CACNA2D3: variants seen among roughly 807,000 people sequenced by gnomAD.
The protein encoded by CACNA2D3 is voltage-dependent calcium channel subunit alpha-2/delta-3.
CACNA2D3 carries 60 observed loss-of-function variants against 160.6 expected under a neutral mutation model. The observed-to-expected ratio is 0.37, with a 90% confidence interval of 0.30 to 0.46. The LOEUF (loss-of-function observed/expected upper bound fraction) is 0.46. CACNA2D3 is among the 20% of genes least tolerant of loss of function. CACNA2D3 has a pLI of 1.00. For synonymous variants in CACNA2D3, 558 were observed against 492.9 expected (o/e 1.13, Z -1.75); for missense variants, 1,205 against 1,365.0 (o/e 0.88, Z 1.85).
chr3:54,464,214 G>A (rs369677219), intron 4 of CACNA2D3, among the ~76,000 whole-genome samples: 4 of 152,184 alleles, frequency 2.6e-5, no homozygotes, highest in African/African-American at 9.6e-5. Context: ...GCTGCTTGGG[G>A]GTCAGGGGTC....
chr3:54,888,749 A>C (rs940079678), intron 24 of CACNA2D3, among the ~76,000 whole-genome samples: 2 of 147,484 alleles, frequency 1.4e-5, no homozygotes, highest in Non-Finnish European at 2.9e-5. Context: ...TCTATTCAAT[A>C]GTTCATTCCC....
At chr3:54,837,298 C>G (rs1698715682) in intron 15 of CACNA2D3, 68 bp downstream of exon 15, 1 of 1,240,148 alleles carries the variant, frequency 8.1e-7, no homozygotes, top group Non-Finnish European at 1.2e-6. Flanking sequence ...CCTCTGACTC[C>G]AGCTCTGGTG....
chr3:54,803,215 A>G (rs531595984), intron 13 of CACNA2D3, among the ~76,000 whole-genome samples: 39 of 152,358 alleles, frequency 2.6e-4, no homozygotes, highest in Admixed American at 2.4e-3. Flanking sequence ...ACGGAGAATG[A>G]CTTTGACGAG....
chr3:54,442,532 C>A (rs1389995176), intron 4 of CACNA2D3, among the ~76,000 whole-genome samples: 1 of 152,152 alleles, frequency 6.6e-6, no homozygotes, highest in Non-Finnish European at 1.5e-5. Flanking sequence ...TTGTGAACAT[C>A]ATTATCCTTG....
At chr3:54,371,381 A>G (rs1698923527) in intron 3 of CACNA2D3, among the ~76,000 whole-genome samples, 1 of 152,194 alleles carries the variant, frequency 6.6e-6, no homozygotes, top group Non-Finnish European at 1.5e-5. Context: ...TACATTTGAA[A>G]ACTGCTATAT....
At chr3:54,695,165 C>A (rs746938558) in intron 11 of CACNA2D3, among the ~76,000 whole-genome samples, 2 of 152,000 alleles carry the variant, frequency 1.3e-5, no homozygotes, top group Non-Finnish European at 2.9e-5. Context: ...TTACAGGTGC[C>A]CACCACCATG....
chr3:54,980,744 G>A (rs772208828), intron 29 of CACNA2D3, among the ~76,000 whole-genome samples: 11 of 152,102 alleles, frequency 7.2e-5, no homozygotes, highest in Non-Finnish European at 1.2e-4. Flanking sequence ...TGCAAAATAG[G>A]TAAGCTGAAC....
At chr3:54,124,601 A>G (rs527565753) in intron 2 of CACNA2D3, among the ~76,000 whole-genome samples, 12 of 152,350 alleles carry the variant, frequency 7.9e-5, no homozygotes, top group African/African-American at 2.6e-4. Flanking sequence ...CTGGTAACCA[A>G]GTACGTATTT....
At chr3:54,489,743 G>C (rs555047080) in intron 4 of CACNA2D3, among the ~76,000 whole-genome samples, 2 of 152,348 alleles carry the variant, frequency 1.3e-5, no homozygotes, top group South Asian at 4.1e-4. Flanking sequence ...GCCTTCATAA[G>C]TGGCTTGTTA....
chr3:54,754,392 A>G (rs1559570075), intron 12 of CACNA2D3, among the ~76,000 whole-genome samples: 2 of 152,180 alleles, frequency 1.3e-5, no homozygotes, highest in Non-Finnish European at 2.9e-5. Context: ...GGTAGTGACA[A>G]TACCTTCCCC....
chr3:55,009,307 C>T (rs1373189944), intron 33 of CACNA2D3, 81 bp from the exon 34 acceptor site: 2 of 1,256,528 alleles, frequency 1.6e-6, no homozygotes, highest in Non-Finnish European at 2.3e-6. Flanking sequence ...GTAAGCGATG[C>T]CAAAGAATAC....
chr3:54,295,413 G>A lies in CACNA2D3; in HGVS notation c.205-25029G>A, dbSNP rs145852451. Among the ~76,000 whole-genome samples the A allele has an allele frequency of 2.2e-3, 318 of 144,904 alleles. 4 individuals carry two copies. The highest frequency in any genetic ancestry group is 7.3e-3 in the African/African-American group (294 of 40,140). On this transcript the variant is annotated intron_variant, in intron 2 of 37. Transcript: ENST00000474759. ...AGGACGTGCCCATGACACAGCCTCA[G>A]AAGGTCCTGAAGACGTGCCCAAGGT...
intron 35 of CACNA2D3, among the ~76,000 whole-genome samples, chr3:55,058,449 T>TA (rs1026041808): frequency 6.6e-6 from 1 of 151,952 alleles, no homozygotes; most frequent in Non-Finnish European, 1.5e-5. Flanking sequence ...GGATATACGG[T>TA]AAAAATGAGT....
chr3:54,506,992 T>C (rs970138049), intron 5 of CACNA2D3, among the ~76,000 whole-genome samples: 12 of 152,144 alleles, frequency 7.9e-5, no homozygotes, highest in South Asian at 2.1e-4. Context: ...TATACACACA[T>C]ATATATATAC....
chr3:54,347,284 C>T (rs2107530029), intron 3 of CACNA2D3, among the ~76,000 whole-genome samples: 1 of 152,330 alleles, frequency 6.6e-6, no homozygotes, highest in South Asian at 2.1e-4. Context: ...ATTAAACCTC[C>T]ATCTGCCCAA....
intron 13 of CACNA2D3, among the ~76,000 whole-genome samples, chr3:54,810,334 G>A (rs1010854531): frequency 2.4e-4 from 36 of 152,154 alleles, no homozygotes; most frequent in Admixed American, 1.6e-3. Context: ...TGGCAGAAGT[G>A]GAAGGATGTG....
rs182219862 is a variant in CACNA2D3 at position 54,184,044 on chromosome 3, A to G, written c.204+60450A>G. Among the ~76,000 whole-genome samples the G allele has an allele frequency of 2.0e-5, 3 of 152,096 alleles. No individual in the cohort carries two copies. The East Asian group carries it at 5.8e-4, about 29-fold the overall frequency. Reference sequence around the variant, plus strand: ...GGTGCATTTGTGATGGTCTTTTTCAATGAGACACAGCTGTCCCAGGTCAAG... The same window carrying G: ...GGTGCATTTGTGATGGTCTTTTTCAGTGAGACACAGCTGTCCCAGGTCAAG... On this transcript the variant is annotated intron_variant, in intron 2 of 37. Transcript: ENST00000474759.
At chr3:54,751,614 G>C (rs919846255) in intron 11 of CACNA2D3, among the ~76,000 whole-genome samples, 2 of 152,174 alleles carry the variant, frequency 1.3e-5, no homozygotes, top group African/African-American at 4.8e-5. Flanking sequence ...TACACAAAAT[G>C]CTAGCTAACC....
At chr3:54,865,845 C>G (rs1402816304) in intron 17 of CACNA2D3, among the ~76,000 whole-genome samples, 1 of 152,152 alleles carries the variant, frequency 6.6e-6, no homozygotes, top group Non-Finnish European at 1.5e-5. Context: ...CTTGCTAAAC[C>G]ATGTTTATAC....
Sources: allele counts gnomAD v4.1 joint callset (sites outside exome capture counted in the v4.1 genomes callset), GRCh38; gene constraint gnomAD v4.1.1; transcripts MANE v1.5; gene names NCBI Gene and HGNC (gene_info 2026-07-23, HGNC 2026-07-21).